The following SELENOF variants were observed in gnomAD, a reference collection of about 807,000 sequenced individuals.
SELENOF encodes 15 kDa selenoprotein.
SELENOF carries 16 observed loss-of-function variants against 20.5 expected under a neutral mutation model. The ratio of observed to expected loss-of-function variants is 0.78; its 90% confidence interval spans 0.53 to 1.19. The LOEUF (loss-of-function observed/expected upper bound fraction) is 1.19. SELENOF is among the 50% of genes most tolerant of loss of function. The pLI, the probability that SELENOF is intolerant of heterozygous loss-of-function variation, is 0.00. For synonymous variants in SELENOF, 78 were observed against 74.5 expected (o/e 1.05, Z -0.24); for missense variants, 215 against 194.2 (o/e 1.11, Z -0.64).
intron 2 of SELENOF, among the ~76,000 whole-genome samples, chr1:86,900,899 T>C (rs1209015592): frequency 1.3e-5 from 2 of 152,088 alleles, no homozygotes; most frequent in South Asian, 2.1e-4. Context: ...TTTAAATATA[T>C]GTATCTTTTT....
chr1:86,895,924 A>T (rs1659509694), intron 2 of SELENOF, among the ~76,000 whole-genome samples: 1 of 152,190 alleles, frequency 6.6e-6, no homozygotes, highest in Admixed American at 6.5e-5. Context: ...AAAGGTACTA[A>T]CTAAAGAAAT....
intron 2 of SELENOF, among the ~76,000 whole-genome samples, chr1:86,882,278 A>C (rs982322113): frequency 2.0e-5 from 3 of 151,218 alleles, no homozygotes; most frequent in African/African-American, 2.4e-5. Context: ...AAAAGAAAGA[A>C]AGAAAGAATA....
intron 3 of SELENOF, among the ~76,000 whole-genome samples, chr1:86,874,098 CAAT>C (rs1658861456): frequency 6.7e-6 from 1 of 149,254 alleles, no homozygotes. Flanking sequence ...GTGGGTCACA[CAAT>C]AAAAAAATCA....
At chr1:86,908,646 C>T (rs545213765) in intron 1 of SELENOF, among the ~76,000 whole-genome samples, 3 of 152,208 alleles carry the variant, frequency 2.0e-5, no homozygotes, top group South Asian at 4.2e-4. Context: ...CTGTGTGATC[C>T]GTAAGGCCCA....
intron 3 of SELENOF, among the ~76,000 whole-genome samples, chr1:86,874,766 C>CGAGT (rs1374700173): frequency 6.6e-6 from 1 of 152,002 alleles, no homozygotes; most frequent in Non-Finnish European, 1.5e-5. Flanking sequence ...AAAATATACT[C>CGAGT]GGACAAAATA....
chr1:86,878,977 T>A (rs1658993127), intron 3 of SELENOF, among the ~76,000 whole-genome samples: 1 of 152,182 alleles, frequency 6.6e-6, no homozygotes, highest in Admixed American at 6.5e-5. Context: ...TAAAATTCAA[T>A]TGTTTTCAAA....
chr1:86,895,111 A>G (rs1431658596), intron 2 of SELENOF, among the ~76,000 whole-genome samples: 1 of 152,210 alleles, frequency 6.6e-6, no homozygotes, highest in Non-Finnish European at 1.5e-5. Context: ...TAGGTTTCAT[A>G]CAAGTAGTTA....
chr1:86,885,392 C>G (rs906184715), intron 2 of SELENOF, among the ~76,000 whole-genome samples: 1 of 85,562 alleles, frequency 1.2e-5, no homozygotes, highest in African/African-American at 8.0e-5. Context: ...TGTTTCTCAC[C>G]AGATAGCTAG....
At chr1:86,910,702 CAAAA>C (rs36124875) in intron 1 of SELENOF, among the ~76,000 whole-genome samples, 3 of 82,798 alleles carry the variant, frequency 3.6e-5, no homozygotes, top group African/African-American at 4.1e-5. Flanking sequence ...GACTCCATAT[CAAAA>C]AAAAAAAAAA....
At position 86,914,028 on chromosome 1, in the gene SELENOF, C is replaced by A. The variant is rs1660065213; in HGVS notation, c.84G>T (p.Ala28=). The change falls in exon 1 of 5, where the codon GCG becomes GCT. Residue 28 remains alanine, a splice_region_variant and synonymous_variant. Transcript: ENST00000331835. ...AGCTGCGAAGGTGATCTACACTCAC[C>A]GCTTGAAGCACAGTCGCCAACAACA... is the stretch of plus-strand genomic sequence containing the variant. The part of the protein sequence containing the change: ...LRLLLATVLQ[A]VSAFGAEFSS... 5 of 1,613,700 alleles carry A rather than the reference C, an allele frequency of 3.1e-6. No individual in the cohort carries two copies. The highest frequency in any genetic ancestry group is 4.2e-6 in the Non-Finnish European group (5 of 1,179,752).
intron 2 of SELENOF, among the ~76,000 whole-genome samples, chr1:86,894,440 G>C (rs796458856): frequency 6.6e-6 from 1 of 151,898 alleles, no homozygotes; most frequent in Non-Finnish European, 1.5e-5. Flanking sequence ...CTCCTGATCT[G>C]TCATCTGAAT....
At chr1:86,908,686 TG>T (rs1246889755) in intron 1 of SELENOF, among the ~76,000 whole-genome samples, 3 of 152,004 alleles carry the variant, frequency 2.0e-5, no homozygotes, top group Non-Finnish European at 2.9e-5. Flanking sequence ...AGAAATGGAG[TG>T]GGGGGCATCT....
In SELENOF at chr1:86,880,699, A is replaced by T. The variant is rs1659045330; in HGVS notation, c.279T>A (p.Val93=). ...KKLYAGAILE[V]CGUKLGRFPQ... is the part of the protein sequence containing the mutation. ...GGAACCTTCCCAATTTTCATCCACA[A>T]ACTTCAAGAATAGCTCCTGCATACA... Residue 93 remains valine, a synonymous_variant, in exon 3 of 5, where the codon GTT becomes GTA. Transcript: ENST00000331835. 4 of 1,596,142 alleles carry T rather than the reference A, an allele frequency of 2.5e-6. No homozygotes were observed. The highest frequency in any genetic ancestry group is 3.4e-6 in the Non-Finnish European group (4 of 1,170,462).
chr1:86,890,179 C>T (rs1259984762), intron 2 of SELENOF, among the ~76,000 whole-genome samples: 1 of 152,180 alleles, frequency 6.6e-6, no homozygotes, highest in Non-Finnish European at 1.5e-5. Flanking sequence ...TGGCCATACT[C>T]TCATGCCTCT....
chr1:86,881,047 A>G (rs72945889), intron 2 of SELENOF, among the ~76,000 whole-genome samples: 3,592 of 152,310 alleles, frequency 0.024, 77 homozygotes, highest in African/African-American at 0.049. Context: ...ACAAAATATT[A>G]AAGGTTTCCT....
intron 2 of SELENOF, among the ~76,000 whole-genome samples, chr1:86,903,059 T>C (rs1287955531): frequency 1.3e-5 from 2 of 152,216 alleles, no homozygotes; most frequent in Non-Finnish European, 1.5e-5. Context: ...TACTTCCCCT[T>C]TGCTTGACAA....
chr1:86,900,446 G>A (rs905079234), intron 2 of SELENOF, among the ~76,000 whole-genome samples: 7 of 152,192 alleles, frequency 4.6e-5, no homozygotes, highest in Non-Finnish European at 8.8e-5. Context: ...AAACCAGTCA[G>A]GCGTGGCGGC....
intron 2 of SELENOF, among the ~76,000 whole-genome samples, chr1:86,888,701 T>C (rs1659296468): frequency 6.6e-6 from 1 of 152,370 alleles, no homozygotes; most frequent in Middle Eastern, 3.4e-3. Flanking sequence ...CTCGCTCCCA[T>C]TGCGCAAGCT....
chr1:86,901,082 G>A (rs1376135392), intron 2 of SELENOF, among the ~76,000 whole-genome samples: 1 of 151,994 alleles, frequency 6.6e-6, no homozygotes, highest in African/African-American at 2.4e-5. Context: ...TTGTAGAGAC[G>A]GGGTTTCACC....
Sources: gnomAD v4.1 joint callset for allele counts (sites outside exome capture counted in the v4.1 genomes callset) on GRCh38, gnomAD v4.1.1 for gene constraint, MANE v1.5 for transcripts, NCBI Gene and HGNC (gene_info 2026-07-23, HGNC 2026-07-21) for gene names.